Variants in ZNF284 observed in about 807,000 individuals in gnomAD.
The protein encoded by ZNF284 is zinc finger protein 284.
Under a neutral mutation model 12.9 loss-of-function variants are expected in ZNF284, and 12 were observed. That is an observed-to-expected ratio of 0.93 (90% CI 0.60 to 1.51). The LOEUF is 1.51. Among genes scored for constraint, ZNF284 ranks in the 40% most tolerant of loss-of-function variants. ZNF284 has a pLI of 0.00. For missense variants in ZNF284, 667 were observed against 707.3 expected (o/e 0.94, Z 0.65); for synonymous variants, 225 against 236.5 (o/e 0.95, Z 0.45).
chr19:44,076,347 G>T lies in ZNF284; in HGVS notation c.-43G>T. On this transcript the variant is annotated 5_prime_UTR_variant, in exon 2 of 5. Coordinates refer to ENST00000421176, the MANE Select transcript of ZNF284 (RefSeq NM_001037813.4). ...GCACAATTCTGTCTTCTCTTGAACT[G>T]CATAACTGAGAACTCTGCAAATTCC... 1 of 1,596,606 alleles carries T rather than the reference G, an allele frequency of 6.3e-7. No homozygotes were observed. The highest frequency in any genetic ancestry group is 8.5e-7 in the Non-Finnish European group (1 of 1,170,292).
intron 3 of ZNF284, among the ~76,000 whole-genome samples, chr19:44,081,568 C>T (rs764108709): frequency 1.2e-3 from 180 of 151,984 alleles, no homozygotes; most frequent in African/African-American, 3.9e-3. Context: ...AAAAAATTGC[C>T]GGGCGTGGTG....
At chr19:44,080,304 A>T (rs879528647) in intron 2 of ZNF284, among the ~76,000 whole-genome samples, 3 of 43,462 alleles carry the variant, frequency 6.9e-5, no homozygotes, top group Non-Finnish European at 2.5e-4. Context: ...GCAGATATTA[A>T]AAAAAAAATG....
chr19:44,084,124 A>G (rs981591618), intron 4 of ZNF284, among the ~76,000 whole-genome samples: 1 of 152,138 alleles, frequency 6.6e-6, no homozygotes, highest in Non-Finnish European at 1.5e-5. Flanking sequence ...ACGCCAGGCC[A>G]GGTGAGCCTG....
At chr19:44,080,710 T>C (rs1433554724) in intron 2 of ZNF284, among the ~76,000 whole-genome samples, 2 of 152,186 alleles carry the variant, frequency 1.3e-5, no homozygotes, top group South Asian at 2.1e-4. Flanking sequence ...CAAGATTCAT[T>C]GAAACCTATA....
In ZNF284 at chr19:44,086,568, G is replaced by A; in HGVS notation, c.1090G>A (p.Asp364Asn). 6.2e-7 allele frequency: 1 copy of A among 1,614,150 alleles called. No individual in the cohort carries two copies. Among genetic ancestry groups the A allele is most frequent in the South Asian group, 1.1e-5 (1 of 91,044 alleles). ...CRQDLCKHQM[D>N]HTGDKPYNCN... The stretch of plus-strand genomic sequence containing the variant: ...GCAAGATCTTTGTAAGCATCAGATG[G>A]ACCATACAGGAGACAAACCATATAA... The change falls in exon 5 of 5, where the codon GAC becomes AAC. Residue 364 changes from aspartate to asparagine, a missense_variant. Coordinates refer to ENST00000421176, the MANE Select transcript of ZNF284 (RefSeq NM_001037813.4).
intron 4 of ZNF284, among the ~76,000 whole-genome samples, chr19:44,083,403 T>C (rs1334220533): frequency 6.8e-6 from 1 of 147,252 alleles, no homozygotes; most frequent in East Asian, 2.0e-4. Flanking sequence ...CACTACACTC[T>C]AGCCTGGGTG....
rs375423506 is a variant in ZNF284 at position 44,086,839 on chromosome 19, C to G, written c.1361C>G (p.Pro454Arg). 63 of 1,613,850 alleles carry G rather than the reference C, an allele frequency of 3.9e-5. No homozygotes were observed. The highest frequency in any genetic ancestry group is 4.7e-5 in the Non-Finnish European group (55 of 1,179,994). ...LHQRVHTGER[P>R]YNCKECGKSF... ...CAGAGGGTCCACACGGGAGAGAGACCTTATAATTGTAAGGAATGTGGAAAG... is the reference window on the plus strand; with the variant it reads ...CAGAGGGTCCACACGGGAGAGAGACGTTATAATTGTAAGGAATGTGGAAAG... Residue 454 changes from proline to arginine, a missense_variant, in exon 5 of 5, where the codon CCT (proline) becomes CGT (arginine). Physicochemically the swap from Pro to Arg is moderately radical, Grantham distance 103. Coordinates refer to ENST00000421176, the MANE Select transcript of ZNF284 (RefSeq NM_001037813.4).
chr19:44,086,816 G>A lies in ZNF284; in HGVS notation c.1338G>A (p.Gln446=), dbSNP rs1265671298. The A allele has an allele frequency of 6.2e-7, 1 of 1,614,164 alleles. No homozygotes were observed. ...YISKFNLDLH[Q]RVHTGERPYN... is the part of the protein sequence containing the mutation. ...GTAAGTTTAATCTTGACTTGCACCAGAGGGTCCACACGGGAGAGAGACCTT... is the reference window on the plus strand; with the variant it reads ...GTAAGTTTAATCTTGACTTGCACCAAAGGGTCCACACGGGAGAGAGACCTT... The change falls in exon 5 of 5, where the codon CAG becomes CAA. Residue 446 remains glutamine, a synonymous_variant. Coordinates refer to ENST00000421176, the MANE Select transcript of ZNF284 (RefSeq NM_001037813.4).
rs762334657 is a variant in ZNF284, at chr19:44,086,176, G to A, written c.698G>A (p.Cys233Tyr). Residue 233 changes from cysteine (C) to tyrosine (Y), a missense_variant, in exon 5 of 5, where the codon TGT (cysteine) becomes TAT (tyrosine). Physicochemically the swap from Cys to Tyr is radical, Grantham distance 194 (BLOSUM62 -2). Transcript: ENST00000421176. ...CACACTGGAGAGAAACCATTCAAAT[G>A]TGAGCAGTGTGGGAAAAGTTTCAGC... Reference protein sequence around the residue: ...RIHTGEKPFKCEQCGKSFSRR... With the variant: ...RIHTGEKPFKYEQCGKSFSRR... 1.2e-6 allele frequency: 2 copies of A among 1,614,208 alleles called. No homozygotes were observed. Among genetic ancestry groups the A allele is most frequent in the South Asian group, 1.1e-5 (1 of 91,088 alleles).
rs1476740554 is a variant in ZNF284 at position 44,088,314 on chromosome 19, C to T, written c.*1054C>T. ...GGCCTGAATTTACATCACTCAACAT[C>T]ATGTTCTCCAAAGCTTATCTTTATC... On this transcript the variant is annotated 3_prime_UTR_variant, in exon 5 of 5. Coordinates refer to ENST00000421176, the MANE Select transcript of ZNF284 (RefSeq NM_001037813.4). The T allele has an allele frequency of 2.0e-5, 3 of 152,356 alleles. No homozygotes were observed. Among genetic ancestry groups the T allele is most frequent in the African/African-American group, 4.8e-5 (2 of 41,578 alleles). The allele number at this position is 152,356 out of a possible 1,614,324, so 9.4% of individuals were successfully genotyped here. A position where few individuals can be genotyped will look rare whatever the true frequency, so the allele number is the denominator to read the frequency against.
chr19:44,078,620 C>T (rs1051406667), intron 2 of ZNF284, among the ~76,000 whole-genome samples: 4 of 152,082 alleles, frequency 2.6e-5, no homozygotes, highest in Non-Finnish European at 5.9e-5. Context: ...CACCACGATG[C>T]CTGGCTAGTT....
intron 2 of ZNF284, among the ~76,000 whole-genome samples, chr19:44,080,072 A>C (rs903365238): frequency 1.3e-5 from 2 of 152,238 alleles, no homozygotes; most frequent in Non-Finnish European, 2.9e-5. Context: ...AAACGAATGC[A>C]TGTAGGCAAA....
chr19:44,081,716 AAAAAC>A (rs1274498907), intron 3 of ZNF284, among the ~76,000 whole-genome samples: 2 of 150,506 alleles, frequency 1.3e-5, no homozygotes, highest in African/African-American at 4.9e-5. Context: ...CGTCTCAAAA[AAAAAC>A]AAAAACAAAA....
In ZNF284 at chr19:44,086,233, T is replaced by G; in HGVS notation, c.755T>G (p.Leu252Ter). The change falls in exon 5 of 5, where the codon TTA becomes TGA. Residue 252 changes from leucine to a stop codon, truncating the protein, a stop_gained. Coordinates refer to ENST00000421176, the MANE Select transcript of ZNF284 (RefSeq NM_001037813.4). LOFTEE classifies it low-confidence loss of function (END_TRUNC). Reference sequence around the variant, plus strand: ...TCAGGAATGTATGTTCATTGCAAATTACACACAGGAGAAAAACCTCATATT... The same window carrying G: ...TCAGGAATGTATGTTCATTGCAAATGACACACAGGAGAAAAACCTCATATT... The part of the protein sequence containing the change: ...RRSGMYVHCK[L>*]HTGEKPHICE... The G allele has an allele frequency of 6.2e-7, 1 of 1,614,216 alleles. No individual in the cohort carries two copies. Among genetic ancestry groups the G allele is most frequent in the Non-Finnish European group, 8.5e-7 (1 of 1,180,034 alleles).
Position 44,087,213 on chromosome 19 carries a change from C to G in ZNF284, c.1735C>G (p.Arg579Gly), listed in dbSNP as rs201190255. The G allele has an allele frequency of 5.6e-6, 9 of 1,596,244 alleles. No homozygotes were observed. In the Admixed American group the frequency reaches 1.1e-4, roughly 19 times the overall value. Reference protein sequence around the residue: ...CEDCGKRYERRLNLDMILSLF... With the variant: ...CEDCGKRYERGLNLDMILSLF... ...GGACTGTGGGAAGCGCTACGAGAGG[C>G]GCTTGAATCTAGATATGATTTTATC... is the stretch of plus-strand genomic sequence containing the variant. The change falls in exon 5 of 5, where the codon CGC becomes GGC. Residue 579 changes from arginine to glycine, a missense_variant. Coordinates refer to ENST00000421176, the MANE Select transcript of ZNF284 (RefSeq NM_001037813.4).
At position 44,076,299 on chromosome 19, in the gene ZNF284, TTGCC is replaced by T; in HGVS notation, c.-68-21_-68-18del. ...CCCCTTCATGTCTCTTTTTTTTTTT[TTGCC>T]TTCCATGGCATGTTTCAGGCACAAT... On this transcript the variant is annotated intron_variant, in intron 1 of 4. Coordinates refer to ENST00000421176, the MANE Select transcript of ZNF284 (RefSeq NM_001037813.4). 7.4e-7 allele frequency: 1 copy of T among 1,343,492 alleles called. No individual in the cohort carries two copies. The allele number at this position is 1,343,492 out of a possible 1,614,324, so 83.2% of individuals were successfully genotyped here. A position where few individuals can be genotyped will look rare whatever the true frequency, so the allele number is the denominator to read the frequency against.
At chr19:44,083,474 T>TATATATAGAGAGAGAGAGAGAGAGAG (rs746837013) in intron 4 of ZNF284, among the ~76,000 whole-genome samples, 2 of 64,922 alleles carry the variant, frequency 3.1e-5, no homozygotes, top group African/African-American at 9.9e-5. Flanking sequence ...TATATATATA[T>TATATATAGAGAGAGAGAGAGAGAGAG]AGAGAGAGAG....
rs887312127 is a variant in ZNF284, at chr19:44,072,308, G to C, written c.-69+17G>C. On this transcript the variant is annotated intron_variant, in intron 1 of 4. Coordinates refer to ENST00000421176, the MANE Select transcript of ZNF284 (RefSeq NM_001037813.4). Reference sequence around the variant, plus strand: ...AAAACGGAGGTTTGGAGGGACAACGGCCTCTCTTTTCGTTCTTGTCAGCGG... The same window carrying C: ...AAAACGGAGGTTTGGAGGGACAACGCCCTCTCTTTTCGTTCTTGTCAGCGG... The C allele has an allele frequency of 6.6e-6, 1 of 152,236 alleles. No individual in the cohort carries two copies. Among genetic ancestry groups the C allele is most frequent in the African/African-American group, 2.4e-5 (1 of 41,398 alleles). 9.4% of individuals were successfully genotyped at this position (152,236 alleles called of 1,614,324 possible).
Position 44,086,797 on chromosome 19 carries a change from T to G in ZNF284, c.1319T>G (p.Phe440Cys). The G allele has an allele frequency of 6.2e-7, 1 of 1,614,056 alleles. No individual in the cohort carries two copies. Among genetic ancestry groups the G allele is most frequent in the East Asian group, 2.2e-5 (1 of 44,874 alleles). ...QKCGKGYISK[F>C]NLDLHQRVHT... is the part of the protein sequence containing the mutation. Reference sequence around the variant, plus strand: ...TGTGGGAAGGGCTACATTAGTAAGTTTAATCTTGACTTGCACCAGAGGGTC... The same window carrying G: ...TGTGGGAAGGGCTACATTAGTAAGTGTAATCTTGACTTGCACCAGAGGGTC... Residue 440 changes from phenylalanine to cysteine, a missense_variant, in exon 5 of 5, where the codon TTT becomes TGT. Physicochemically the swap from Phe to Cys is radical, Grantham distance 205 (BLOSUM62 -2). Coordinates refer to ENST00000421176, the MANE Select transcript of ZNF284 (RefSeq NM_001037813.4).
Sources: allele counts gnomAD v4.1 joint callset (sites outside exome capture counted in the v4.1 genomes callset), GRCh38; gene constraint gnomAD v4.1.1; transcripts MANE v1.5; gene names NCBI Gene and HGNC (gene_info 2026-07-23, HGNC 2026-07-21).